SHC3: variants seen among roughly 807,000 people sequenced by gnomAD.
The protein encoded by SHC3 is SHC-transforming protein 3.
SHC3 carries 15 observed loss-of-function variants against 60.4 expected under a neutral mutation model. The ratio of observed to expected loss-of-function variants is 0.25; its 90% CI spans 0.17 to 0.38. The LOEUF (loss-of-function observed/expected upper bound fraction) is 0.38. Ranked by LOEUF, SHC3 falls within the 10% of genes least tolerant of loss-of-function variation. The probability of loss-of-function intolerance (pLI) is 1.00; values close to 1 mark genes in which losing one functional copy is unlikely to be tolerated. For synonymous variants in SHC3, 294 were observed against 325.9 expected, an observed-to-expected ratio of 0.90 and a Z score of 1.05; for missense variants, 677 against 786.1, an observed-to-expected ratio of 0.86 and a Z score of 1.66.
chr9:89,025,242 AG>A (rs1826273261), intron 11 of SHC3, among the ~76,000 whole-genome samples: 1 of 152,064 alleles, frequency 6.6e-6, no homozygotes, highest in Admixed American at 6.5e-5. Context: ...ACACACACAC[AG>A]GGGCTGACCT....
chr9:89,065,239 G>C (rs956432237), intron 6 of SHC3, among the ~76,000 whole-genome samples: 1 of 152,182 alleles, frequency 6.6e-6, no homozygotes, highest in Non-Finnish European at 1.5e-5. Context: ...TGGTCTTCCA[G>C]GAGTAACCGA....
In SHC3 at chr9:89,128,370, C is replaced by T. The variant is rs571005636; in HGVS notation, c.475-15744G>A. ...CAGCAGAAACTTCTGCAGACCTAAA[C>T]GTCCCTGTCTGACAGCTTTGAAGAC... On this transcript the variant is annotated intron_variant, in intron 1 of 11. Transcript: ENST00000375835. Among the ~76,000 whole-genome samples, 16 of 152,260 alleles carry T rather than the reference C, an allele frequency of 1.1e-4. No individual in the cohort carries two copies. The South Asian group carries it at 3.3e-3, about 32-fold the overall frequency.
rs1215985135 is a variant in SHC3 at position 89,009,572 on chromosome 9, A to G, written c.*3875T>C. On this transcript the variant is annotated 3_prime_UTR_variant, in exon 12 of 12. Coordinates refer to ENST00000375835, the MANE Select transcript of SHC3 (RefSeq NM_016848.6). ...ATCCCCAGCACGCCCTCAAGCTGGGAACATGTATAGCCCTGCAGTGTAGAG... is the reference window on the plus strand; with the variant it reads ...ATCCCCAGCACGCCCTCAAGCTGGGGACATGTATAGCCCTGCAGTGTAGAG... 1 of 152,196 alleles carries G rather than the reference A, an allele frequency of 6.6e-6. No homozygotes were observed. Among genetic ancestry groups the G allele is most frequent in the Non-Finnish European group, 1.5e-5 (1 of 68,040 alleles). 9.4% of individuals were successfully genotyped at this position (152,196 alleles called of 1,614,324 possible). A position where few individuals can be genotyped will look rare whatever the true frequency, so the allele number is the denominator to read the frequency against.
chr9:89,010,849 AG>A lies in SHC3; in HGVS notation c.*2597del, dbSNP rs1340057065. ...CTCAAAGCACAGGCTGGCACACAGC[AG>A]GGCTCACGAAATGCTGAGTGAGCAG... On this transcript the variant is annotated 3_prime_UTR_variant, in exon 12 of 12. Coordinates refer to ENST00000375835, the MANE Select transcript of SHC3 (RefSeq NM_016848.6). 1 of 152,292 alleles carries A rather than the reference AG, an allele frequency of 6.6e-6. No homozygotes were observed. Among genetic ancestry groups the A allele is most frequent in the Non-Finnish European group, 1.5e-5 (1 of 68,086 alleles). 9.4% of individuals were successfully genotyped at this position (152,292 alleles called of 1,614,324 possible).
intron 11 of SHC3, among the ~76,000 whole-genome samples, chr9:89,036,390 T>C (rs1824577912): frequency 6.6e-6 from 1 of 152,192 alleles, no homozygotes; most frequent in Non-Finnish European, 1.5e-5. Context: ...AGGATGTTGC[T>C]GGTGTGCGCC....
chr9:89,059,130 CGGTGGTGGAGGATGTGGTGGAGGAT>C (rs1825014194), intron 6 of SHC3, among the ~76,000 whole-genome samples: 2 of 98,434 alleles, frequency 2.0e-5, no homozygotes, highest in African/African-American at 8.1e-5. Context: ...TGGTGGAGGA[CGGTGGTGGAGGATGTGGTGGAGGAT>C]GGTGGTGGAG....
intron 1 of SHC3, among the ~76,000 whole-genome samples, chr9:89,159,315 G>T (rs921822257): frequency 1.3e-5 from 2 of 152,060 alleles, no homozygotes; most frequent in African/African-American, 4.8e-5. Context: ...CTATGAGCAG[G>T]GTGTCTTAAA....
At chr9:89,144,558 C>T (rs1427947266) in intron 1 of SHC3, among the ~76,000 whole-genome samples, 2 of 152,206 alleles carry the variant, frequency 1.3e-5, no homozygotes, top group African/African-American at 4.8e-5. Context: ...GACTACATCA[C>T]ATTAGACCTA....
intron 11 of SHC3, among the ~76,000 whole-genome samples, chr9:89,027,341 A>ATTTTT (rs1409526302): frequency 1.9e-5 from 1 of 52,662 alleles, no homozygotes; most frequent in Non-Finnish European, 3.9e-5. Context: ...TTTTTTTTTG[A>ATTTTT]GACTGAGTCT....
chr9:89,160,682 A>T (rs1826691556), intron 1 of SHC3, among the ~76,000 whole-genome samples: 1 of 152,210 alleles, frequency 6.6e-6, no homozygotes, highest in Admixed American at 6.5e-5. Context: ...ACAATATTTT[A>T]TCTTAATAAT....
chr9:89,024,612 C>T (rs116940659), intron 11 of SHC3, among the ~76,000 whole-genome samples: 4,004 of 152,322 alleles, frequency 0.026, 67 homozygotes, highest in Middle Eastern at 0.085. Flanking sequence ...TTCACAGGAC[C>T]GTTTTCAGAA....
intron 2 of SHC3, among the ~76,000 whole-genome samples, chr9:89,086,513 C>T (rs889960025): frequency 2.0e-5 from 3 of 152,204 alleles, no homozygotes; most frequent in South Asian, 2.1e-4. Flanking sequence ...CAGGATGTGA[C>T]GCCCTAGAGA....
chr9:89,044,168 G>A (rs545312405), intron 9 of SHC3, among the ~76,000 whole-genome samples: 2 of 152,302 alleles, frequency 1.3e-5, no homozygotes, highest in South Asian at 4.1e-4. Context: ...TTCTTTAGCA[G>A]TTATTATATG....
chr9:89,017,073 C>T (rs1201891279), intron 11 of SHC3, among the ~76,000 whole-genome samples: 7 of 152,128 alleles, frequency 4.6e-5, no homozygotes, highest in African/African-American at 1.7e-4. Flanking sequence ...CCATCCTGTC[C>T]AAAGTAATTT....
chr9:89,163,399 GA>G (rs1372948699), intron 1 of SHC3, among the ~76,000 whole-genome samples: 2 of 151,968 alleles, frequency 1.3e-5, no homozygotes, highest in Admixed American at 6.6e-5. Flanking sequence ...ATACACCATG[GA>G]ATACTATGAA....
chr9:89,164,955 G>GA (rs1826764276), intron 1 of SHC3, among the ~76,000 whole-genome samples: 1 of 152,262 alleles, frequency 6.6e-6, no homozygotes, highest in South Asian at 2.1e-4. Flanking sequence ...TACACACAGT[G>GA]AAAAATATCT....
chr9:89,113,707 A>T (rs1587734787), intron 1 of SHC3, among the ~76,000 whole-genome samples: 1 of 152,322 alleles, frequency 6.6e-6, no homozygotes, highest in South Asian at 2.1e-4. Context: ...GGGGATTACC[A>T]TACCTAACAC....
At chr9:89,030,745 A>G (rs1346848260) in intron 11 of SHC3, among the ~76,000 whole-genome samples, 2 of 152,120 alleles carry the variant, frequency 1.3e-5, no homozygotes, top group African/African-American at 4.8e-5. Context: ...TTTGCATTTC[A>G]TTATTTCTCT....
At chr9:89,064,148 C>A (rs1825136756) in intron 6 of SHC3, among the ~76,000 whole-genome samples, 1 of 152,202 alleles carries the variant, frequency 6.6e-6, no homozygotes, top group African/African-American at 2.4e-5. Context: ...AATGACCTCC[C>A]AAAGACATCA....
Sources: allele counts gnomAD v4.1 joint callset (sites outside exome capture counted in the v4.1 genomes callset), GRCh38; gene constraint gnomAD v4.1.1; transcripts MANE v1.5; gene names NCBI Gene and HGNC (gene_info 2026-07-23, HGNC 2026-07-21).